Variants in WWOX observed in about 807,000 individuals in gnomAD.
WWOX encodes the protein WW domain-containing oxidoreductase.
A neutral mutation model predicts 46.2 loss-of-function variants in WWOX; 69 were observed. The ratio of observed to expected loss-of-function variants is 1.49; its 90% CI spans 1.23 to 1.82. The LOEUF (loss-of-function observed/expected upper bound fraction) is 1.82. Ranked by LOEUF, WWOX falls within the 40% of genes most tolerant of loss-of-function variation. The pLI, the probability that WWOX is intolerant of heterozygous loss-of-function variation, is 0.00. For missense variants in WWOX, 919 were observed against 542.6 expected, an observed-to-expected ratio of 1.69 and a Z score of -6.89; for synonymous variants, 359 against 202.6, an observed-to-expected ratio of 1.77 and a Z score of -6.56.
rs910057902 is a variant in WWOX, at chr16:78,399,277, G to C, written c.605+12329G>C. 9.8e-5 allele frequency among the ~76,000 whole-genome samples: 15 copies of C among 152,350 alleles called. No homozygotes were observed. In the East Asian group the frequency reaches 1.3e-3, roughly 14 times the overall value. ...TGCCGATTCTCAGTGATAGAATCTT[G>C]AGTTGATACCTCCTTGGGTGGCATG... On this transcript the variant is annotated intron_variant, in intron 6 of 8. Coordinates refer to ENST00000566780, the MANE Select transcript of WWOX (RefSeq NM_016373.4).
At chr16:78,441,479 A>G (rs1440924524) in intron 8 of WWOX, among the ~76,000 whole-genome samples, 2 of 152,196 alleles carry the variant, frequency 1.3e-5, no homozygotes, top group Non-Finnish European at 2.9e-5. Flanking sequence ...TGAGAGTCAC[A>G]CAGCAAGCCC....
Position 79,068,601 on chromosome 16 carries a change from C to T in WWOX, c.1057-143007C>T, listed in dbSNP as rs114915373. 8.9e-3 allele frequency among the ~76,000 whole-genome samples: 1,350 copies of T among 151,574 alleles called. 16 individuals carry two copies. Among genetic ancestry groups the T allele is most frequent in the African/African-American group, 0.031 (1,263 of 41,350 alleles). Reference sequence around the variant, plus strand: ...GGAGGATCACTTGAGCCTAGGAGTTCGAGACCTGGGCAACATGGTGAGACC... The same window carrying T: ...GGAGGATCACTTGAGCCTAGGAGTTTGAGACCTGGGCAACATGGTGAGACC... On this transcript the variant is annotated intron_variant, in intron 8 of 8. Coordinates refer to ENST00000566780, the MANE Select transcript of WWOX (RefSeq NM_016373.4).
intron 8 of WWOX, among the ~76,000 whole-genome samples, chr16:78,504,736 G>T (rs967313243): frequency 1.3e-5 from 2 of 152,142 alleles, no homozygotes; most frequent in African/African-American, 2.4e-5. Flanking sequence ...GCTGGTCATG[G>T]GGCTTGGAAC....
chr16:78,878,268 C>A (rs1298152899), intron 8 of WWOX, among the ~76,000 whole-genome samples: 1 of 152,118 alleles, frequency 6.6e-6, no homozygotes, highest in African/African-American at 2.4e-5. Context: ...GTCTGAGTTA[C>A]AATAAATAAA....
intron 8 of WWOX, among the ~76,000 whole-genome samples, chr16:79,051,152 A>C (rs906726577): frequency 2.0e-5 from 3 of 152,180 alleles, no homozygotes; most frequent in African/African-American, 4.8e-5. Flanking sequence ...TCAGTTGTTA[A>C]TATATGTGTG....
chr16:78,672,675 C>T (rs189611029), intron 8 of WWOX, among the ~76,000 whole-genome samples: 19 of 152,224 alleles, frequency 1.2e-4, no homozygotes, highest in African/African-American at 3.6e-4. Flanking sequence ...TAAAAGTGAT[C>T]GGATGAAATT....
At chr16:78,977,507 C>A (rs946067267) in intron 8 of WWOX, among the ~76,000 whole-genome samples, 1 of 152,088 alleles carries the variant, frequency 6.6e-6, no homozygotes, top group Non-Finnish European at 1.5e-5. Context: ...TATTAGAATC[C>A]CACCATAGAC....
chr16:78,572,062 T>A (rs1008514095), intron 8 of WWOX, among the ~76,000 whole-genome samples: 2 of 152,202 alleles, frequency 1.3e-5, no homozygotes, highest in Non-Finnish European at 2.9e-5. Flanking sequence ...TAGCAACTTA[T>A]GCAATTTGGT....
rs897255015 is a variant in WWOX, at chr16:78,313,153, G to T, written c.517-73707G>T. Among the ~76,000 whole-genome samples, 7 of 152,202 alleles carry T rather than the reference G, an allele frequency of 4.6e-5. No homozygotes were observed. The South Asian group carries it at 6.2e-4, about 14-fold the overall frequency. ...CCAAAGTCAATGTAATGGGCAGAAA[G>T]GGCATGTGGTAGACTTGGAAATCAG... On this transcript the variant is annotated intron_variant, in intron 5 of 8. Transcript: ENST00000566780.
At chr16:79,185,609 G>C (rs550370953) in intron 8 of WWOX, among the ~76,000 whole-genome samples, 1 of 152,266 alleles carries the variant, frequency 6.6e-6, no homozygotes, top group Non-Finnish European at 1.5e-5. Context: ...TGTCTTTCAC[G>C]GCTTGGGTTG....
chr16:78,438,573 C>G (rs1334430241), intron 8 of WWOX, among the ~76,000 whole-genome samples: 2 of 152,108 alleles, frequency 1.3e-5, no homozygotes, highest in African/African-American at 2.4e-5. Flanking sequence ...AGCACTGTCA[C>G]TTGCCTCTTA....
chr16:78,099,766 T>A lies in WWOX; in HGVS notation c.-13T>A, dbSNP rs750393230. On this transcript the variant is annotated 5_prime_UTR_variant, in exon 1 of 9. Transcript: ENST00000566780. ...GCGGGCGATAGGGGGGCCAGGTGCC[T>A]CCACAGTCAGCCATGGCAGCGCTGC... The A allele has an allele frequency of 6.5e-7, 1 of 1,536,520 alleles. No individual in the cohort carries two copies. The highest frequency in any genetic ancestry group is 8.8e-7 in the Non-Finnish European group (1 of 1,142,086).
At chr16:78,867,077 G>A (rs1388656848) in intron 8 of WWOX, among the ~76,000 whole-genome samples, 1 of 152,196 alleles carries the variant, frequency 6.6e-6, no homozygotes, top group Admixed American at 6.5e-5. Flanking sequence ...TTCACAATTG[G>A]AGAAGGGCGC....
At chr16:78,608,786 G>A (rs1308833131) in intron 8 of WWOX, among the ~76,000 whole-genome samples, 1 of 152,052 alleles carries the variant, frequency 6.6e-6, no homozygotes, top group Non-Finnish European at 1.5e-5. Context: ...GCCCTCCAGG[G>A]GTTCCTGGGT....
At chr16:78,871,080 A>G (rs1187515206) in intron 8 of WWOX, among the ~76,000 whole-genome samples, 1 of 152,208 alleles carries the variant, frequency 6.6e-6, no homozygotes, top group African/African-American at 2.4e-5. Flanking sequence ...TATAGCTCAT[A>G]GAAGCAATTC....
At chr16:78,553,811 G>C (rs960838252) in intron 8 of WWOX, among the ~76,000 whole-genome samples, 7 of 152,046 alleles carry the variant, frequency 4.6e-5, no homozygotes, top group Non-Finnish European at 1.0e-4. Flanking sequence ...AGACCCCCCT[G>C]GTGGCAGTAT....
At chr16:78,116,544 A>C (rs1016723703) in intron 4 of WWOX, among the ~76,000 whole-genome samples, 2 of 152,230 alleles carry the variant, frequency 1.3e-5, no homozygotes, top group Non-Finnish European at 2.9e-5. Flanking sequence ...CCTGGGCTCC[A>C]AATATGTTCA....
rs1280703090 is a variant in WWOX, at chr16:78,525,976, G to C, written c.1056+93224G>C. The C allele has an allele frequency of 2.6e-5, 4 of 152,168 alleles. No homozygotes were observed. In the East Asian group the frequency reaches 7.7e-4, roughly 29 times the overall value. 9.4% of individuals were successfully genotyped at this position (152,168 alleles called of 1,614,324 possible). A position where few individuals can be genotyped will look rare whatever the true frequency, so the allele number is the denominator to read the frequency against. ...TGGAACATTGTATTTTATGGTTGCA[G>C]AGCACATGTATCATCCTATCTGCTT... On this transcript the variant is annotated intron_variant, in intron 8 of 8. Coordinates refer to ENST00000566780, the MANE Select transcript of WWOX (RefSeq NM_016373.4).
intron 8 of WWOX, among the ~76,000 whole-genome samples, chr16:78,854,810 G>A (rs1020383974): frequency 5.9e-5 from 9 of 152,058 alleles, no homozygotes; most frequent in South Asian, 4.2e-4. Context: ...TTGAACCCCC[G>A]ACCTCAGGTG....
Sources: gnomAD v4.1 joint callset for allele counts (sites outside exome capture counted in the v4.1 genomes callset) on GRCh38, gnomAD v4.1.1 for gene constraint, MANE v1.5 for transcripts, NCBI Gene and HGNC (gene_info 2026-07-23, HGNC 2026-07-21) for gene names.